The following OXR1 variants were observed in gnomAD, a reference collection of about 807,000 sequenced individuals.
The protein encoded by OXR1 is oxidation resistance 1.
Under a neutral mutation model 104.6 loss-of-function variants are expected in OXR1, and 41 were observed. The observed-to-expected ratio is 0.39, with a 90% CI of 0.31 to 0.51. The LOEUF (loss-of-function observed/expected upper bound fraction) is 0.51. OXR1 is among the 20% of genes least tolerant of loss of function. The probability of loss-of-function intolerance (pLI) is 0.77; values close to 1 mark genes in which losing one functional copy is unlikely to be tolerated. For missense variants in OXR1, 955 were observed against 1,031.9 expected (o/e 0.93, Z 1.02); for synonymous variants, 348 against 348.4 (o/e 1.00, Z 0.01).
chr8:106,405,951 A>C (rs1280037016), intron 2 of OXR1, among the ~76,000 whole-genome samples: 2 of 152,238 alleles, frequency 1.3e-5, no homozygotes, highest in African/African-American at 4.8e-5. Flanking sequence ...AGAACAAAAG[A>C]CTAATCAACA....
At chr8:106,441,656 G>A (rs1317870518) in intron 2 of OXR1, among the ~76,000 whole-genome samples, 1 of 152,006 alleles carries the variant, frequency 6.6e-6, no homozygotes, top group Non-Finnish European at 1.5e-5. Context: ...GTATTCCTAG[G>A]TATTTTATTC....
intron 2 of OXR1, among the ~76,000 whole-genome samples, chr8:106,427,723 T>G (rs963348762): frequency 5.9e-5 from 9 of 152,338 alleles, no homozygotes; most frequent in Non-Finnish European, 1.3e-4. Flanking sequence ...CAGGCTAATC[T>G]AATCCTCTAA....
chr8:106,388,070 G>T (rs1817449914), intron 2 of OXR1, among the ~76,000 whole-genome samples: 1 of 152,150 alleles, frequency 6.6e-6, no homozygotes, highest in Non-Finnish European at 1.5e-5. Context: ...ACCAATATTA[G>T]AAAGATTGTG....
At position 106,378,394 on chromosome 8, in the gene OXR1, G is replaced by A. The variant is rs1342804594; in HGVS notation, c.23+18758G>A. ...AACCCATTAAGATGCAGTGATGCCCGAGTGACTGTCATCTCGTTGCTTCCC... is the reference window on the plus strand; with the variant it reads ...AACCCATTAAGATGCAGTGATGCCCAAGTGACTGTCATCTCGTTGCTTCCC... On this transcript the variant is annotated intron_variant, in intron 2 of 16. Coordinates refer to ENST00000517566, the MANE Select transcript of OXR1 (RefSeq NM_001198533.2). Among the ~76,000 whole-genome samples the A allele has an allele frequency of 4.6e-5, 7 of 152,310 alleles. No individual in the cohort carries two copies. The South Asian group carries it at 8.3e-4, about 18-fold the overall frequency.
intron 1 of OXR1, among the ~76,000 whole-genome samples, chr8:106,303,094 A>G (rs1813321390): frequency 6.6e-6 from 1 of 151,710 alleles, no homozygotes; most frequent in East Asian, 1.9e-4. Flanking sequence ...TATGAAAACG[A>G]AAGCCCTGAA....
intron 7 of OXR1, among the ~76,000 whole-genome samples, chr8:106,696,279 C>T (rs1415742310): frequency 2.0e-5 from 3 of 152,082 alleles, no homozygotes; most frequent in African/African-American, 7.2e-5. Flanking sequence ...TTTAAGATTC[C>T]TCCATGTCTT....
intron 2 of OXR1, among the ~76,000 whole-genome samples, chr8:106,495,212 A>G (rs375849642): frequency 2.0e-5 from 3 of 152,168 alleles, no homozygotes; most frequent in South Asian, 2.1e-4. Context: ...TGAGGAATCT[A>G]TTATCAACCA....
chr8:106,695,564 C>G (rs1411317393), intron 7 of OXR1, among the ~76,000 whole-genome samples: 1 of 151,844 alleles, frequency 6.6e-6, no homozygotes, highest in African/African-American at 2.4e-5. Flanking sequence ...ACTACAGGCA[C>G]ATGCCACCAC....
At chr8:106,345,206 A>C (rs1351333242) in intron 1 of OXR1, among the ~76,000 whole-genome samples, 1 of 152,232 alleles carries the variant, frequency 6.6e-6, no homozygotes, top group Non-Finnish European at 1.5e-5. Context: ...AATGAATGAC[A>C]TAAGAACACA....
intron 3 of OXR1, among the ~76,000 whole-genome samples, chr8:106,525,473 GTC>G (rs1292173647): frequency 1.3e-5 from 2 of 152,216 alleles, no homozygotes; most frequent in Non-Finnish European, 2.9e-5. Context: ...AGATTCTTCT[GTC>G]TGTAGTCCAT....
intron 3 of OXR1, among the ~76,000 whole-genome samples, chr8:106,595,181 A>T (rs1819419759): frequency 6.6e-6 from 1 of 152,234 alleles, no homozygotes; most frequent in African/African-American, 2.4e-5. Flanking sequence ...AAGCATGCAC[A>T]GAACTATCAT....
intron 3 of OXR1, among the ~76,000 whole-genome samples, chr8:106,552,035 T>A (rs1815878725): frequency 6.6e-6 from 1 of 151,710 alleles, no homozygotes; most frequent in African/African-American, 2.4e-5. Flanking sequence ...CACTCCAACC[T>A]GGGTGACAGA....
chr8:106,323,969 A>G (rs764118975), intron 1 of OXR1, among the ~76,000 whole-genome samples: 1 of 152,214 alleles, frequency 6.6e-6, no homozygotes, highest in Non-Finnish European at 1.5e-5. Flanking sequence ...TCAAGGAGCT[A>G]AAAGCAGAAC....
chr8:106,697,590 A>G (rs1399046710), intron 7 of OXR1: 1 of 1,611,668 alleles, frequency 6.2e-7, no homozygotes, highest in Non-Finnish European at 8.5e-7. Context: ...AGAAGAGCCC[A>G]TCATCCCAGG....
intron 2 of OXR1, among the ~76,000 whole-genome samples, chr8:106,434,876 C>T (rs1052935002): frequency 2.6e-5 from 4 of 152,192 alleles, no homozygotes; most frequent in Middle Eastern, 6.8e-3. Context: ...TCTCTACTTC[C>T]TTTGAGCTTA....
chr8:106,490,086 G>A (rs1345765942), intron 2 of OXR1, among the ~76,000 whole-genome samples: 1 of 152,102 alleles, frequency 6.6e-6, no homozygotes, highest in East Asian at 1.9e-4. Flanking sequence ...AAGACATTGT[G>A]TTTCAGACCA....
intron 1 of OXR1, among the ~76,000 whole-genome samples, chr8:106,304,740 G>A (rs934061350): frequency 3.3e-5 from 5 of 151,996 alleles, no homozygotes; most frequent in African/African-American, 1.2e-4. Flanking sequence ...CTTTTTAAGG[G>A]CTCAGTAGCC....
At chr8:106,425,907 G>GA (rs1819098770) in intron 2 of OXR1, among the ~76,000 whole-genome samples, 2 of 152,268 alleles carry the variant, frequency 1.3e-5, no homozygotes, top group Admixed American at 1.3e-4. Flanking sequence ...GATGAGAGAG[G>GA]AAAGAGCAAG....
At chr8:106,393,781 A>T (rs979900652) in intron 2 of OXR1, among the ~76,000 whole-genome samples, 3 of 152,058 alleles carry the variant, frequency 2.0e-5, no homozygotes, top group Admixed American at 2.0e-4. Context: ...AAATAATTCT[A>T]TAATGATCTT....
Sources: gnomAD v4.1 joint callset for allele counts (sites outside exome capture counted in the v4.1 genomes callset) on GRCh38, gnomAD v4.1.1 for gene constraint, MANE v1.5 for transcripts, NCBI Gene and HGNC (gene_info 2026-07-23, HGNC 2026-07-21) for gene names.